Variants in CACNA1C observed in about 807,000 individuals in gnomAD.
CACNA1C encodes voltage-dependent L-type calcium channel subunit alpha-1C.
In CACNA1C, 30 loss-of-function variants were observed where a neutral mutation model predicts 229.0. The observed-to-expected ratio is 0.13, with a 90% confidence interval of 0.10 to 0.18. The LOEUF (loss-of-function observed/expected upper bound fraction) is 0.18. Ranked by LOEUF, CACNA1C falls within the 10% of genes least tolerant of loss-of-function variation. CACNA1C has a pLI of 1.00. For missense variants in CACNA1C, 1,658 were observed against 2,845.0 expected (o/e 0.58, Z 9.49); for synonymous variants, 1,114 against 1,132.5 (o/e 0.98, Z 0.33).
chr12:2,143,156 A>G (rs1407003877), intron 3 of CACNA1C, among the ~76,000 whole-genome samples: 1 of 150,902 alleles, frequency 6.6e-6, no homozygotes, highest in Non-Finnish European at 1.5e-5. Flanking sequence ...TTGTATTTTT[A>G]GTAGAGACGG....
Position 2,691,395 on chromosome 12 carries a change from G to T in CACNA1C, c.*196G>T, listed in dbSNP as rs972489434. 1.9e-6 allele frequency: 1 copy of T among 519,608 alleles called. No homozygotes were observed. Among genetic ancestry groups the T allele is most frequent in the Non-Finnish European group, 3.0e-6 (1 of 332,214 alleles). The allele number at this position is 519,608 out of a possible 1,614,324, so 32.2% of individuals were successfully genotyped here. On this transcript the variant is annotated 3_prime_UTR_variant, in exon 47 of 47. Transcript: ENST00000399655. Reference sequence around the variant, plus strand: ...AAGGCGCCCGGCTGCGTCTGCAGAGGCGGGGAGAGGAGGCGGCGAGGGTCC... The same window carrying T: ...AAGGCGCCCGGCTGCGTCTGCAGAGTCGGGGAGAGGAGGCGGCGAGGGTCC...
In CACNA1C at chr12:2,647,523, G is replaced by A. The variant is rs1427239279; in HGVS notation, c.3913-952G>A. ...TCAACAGTCATTATTTCATGCCAAC[G>A]GTCAGGGCTCGCCGCACCTATAGAC... On this transcript the variant is annotated intron_variant, in intron 30 of 46. Transcript: ENST00000399655. The surrounding 1 kb of genome is among the most constrained non-coding windows in gnomAD (Gnocchi z 4.2). 1.3e-5 allele frequency among the ~76,000 whole-genome samples: 2 copies of A among 152,172 alleles called. No homozygotes were observed. The highest frequency in any genetic ancestry group is 1.5e-5 in the Non-Finnish European group (1 of 68,034).
chr12:2,514,035 G>T (rs901380943), intron 9 of CACNA1C, among the ~76,000 whole-genome samples: 1 of 152,150 alleles, frequency 6.6e-6, no homozygotes, highest in African/African-American at 2.4e-5. Context: ...GTCCTCTCAA[G>T]CAGCCTTACT....
At position 2,432,089 on chromosome 12, in the gene CACNA1C, C is replaced by A. The variant is rs545218987; in HGVS notation, c.478-16887C>A. 2.0e-5 allele frequency among the ~76,000 whole-genome samples: 3 copies of A among 152,228 alleles called. No individual in the cohort carries two copies. In the East Asian group the frequency reaches 5.8e-4, roughly 29 times the overall value. Reference sequence around the variant, plus strand: ...TGTGCTGATCAGCAAGGAGAACAGACCCATTTTTACAAGGGAAAGGAGACA... The same window carrying A: ...TGTGCTGATCAGCAAGGAGAACAGAACCATTTTTACAAGGGAAAGGAGACA... On this transcript the variant is annotated intron_variant, in intron 3 of 46. Coordinates refer to ENST00000399655, the MANE Select transcript of CACNA1C (RefSeq NM_000719.7).
intron 7 of CACNA1C, among the ~76,000 whole-genome samples, chr12:2,499,461 C>CAT (rs2099754041): frequency 3.9e-5 from 6 of 152,142 alleles, no homozygotes; most frequent in African/African-American, 1.4e-4. Flanking sequence ...GAGTTGGCCT[C>CAT]GAGGAGAGGG....
chr12:2,157,586 C>G (rs2095617366), intron 3 of CACNA1C, among the ~76,000 whole-genome samples: 1 of 152,230 alleles, frequency 6.6e-6, no homozygotes, highest in Admixed American at 6.5e-5. Flanking sequence ...GAGGACAGCC[C>G]TAAGGGGGCC....
intron 3 of CACNA1C, among the ~76,000 whole-genome samples, chr12:2,333,400 C>G (rs1475968525): frequency 1.3e-5 from 2 of 152,198 alleles, no homozygotes. Flanking sequence ...ACGCTGCCAT[C>G]CTGACTTGTC....
At chr12:2,376,085 A>G (rs907077909) in intron 3 of CACNA1C, among the ~76,000 whole-genome samples, 4 of 152,264 alleles carry the variant, frequency 2.6e-5, no homozygotes, top group Non-Finnish European at 4.4e-5. Context: ...CAAGTGTTTG[A>G]GAAACATTGA....
rs952545390 is a variant in CACNA1C, at chr12:2,585,005, G to A, written c.2340-371G>A. ...ATCTCCAGTGTTAGGAAGGCAAGAC[G>A]GGGCCCTATGTTGTATCCTATCATT... On this transcript the variant is annotated intron_variant, in intron 16 of 46. Coordinates refer to ENST00000399655, the MANE Select transcript of CACNA1C (RefSeq NM_000719.7). The surrounding 1 kb of genome is among the most constrained non-coding windows in gnomAD (Gnocchi z 4.1). Among the ~76,000 whole-genome samples, 19 of 152,080 alleles carry A rather than the reference G, an allele frequency of 1.2e-4. No individual in the cohort carries two copies. Among genetic ancestry groups the A allele is most frequent in the African/African-American group, 4.1e-4 (17 of 41,390 alleles).
In CACNA1C at chr12:2,602,033, T is replaced by C. The variant is rs2072623498; in HGVS notation, c.2960+73T>C. 1.0e-6 allele frequency: 1 copy of C among 984,804 alleles called. No homozygotes were observed. Among genetic ancestry groups the C allele is most frequent in the African/African-American group, 1.6e-5 (1 of 62,930 alleles). The allele number at this position is 984,804 out of a possible 1,614,324, so 61.0% of individuals were successfully genotyped here. A position where few individuals can be genotyped will look rare whatever the true frequency, so the allele number is the denominator to read the frequency against. On this transcript the variant is annotated intron_variant, in intron 22 of 46. Coordinates refer to ENST00000399655, the MANE Select transcript of CACNA1C (RefSeq NM_000719.7). The surrounding 1 kb of genome is among the most constrained non-coding windows in gnomAD (Gnocchi z 4.4). ...GGTGCCAGAGAGGACAACCAGACCC[T>C]GGAGGGCCTGCCTGCAGGGCCACCG...
intron 18 of CACNA1C, among the ~76,000 whole-genome samples, chr12:2,586,455 G>A (rs1343962309): frequency 6.6e-6 from 1 of 152,152 alleles, no homozygotes; most frequent in African/African-American, 2.4e-5. Flanking sequence ...TGCTTCTCAA[G>A]AGCTTTAATG....
intron 1 of CACNA1C, among the ~76,000 whole-genome samples, chr12:1,983,633 T>C (rs2036792111): frequency 6.6e-6 from 1 of 152,118 alleles, no homozygotes; most frequent in African/African-American, 2.4e-5. Flanking sequence ...GTTTGCTTTA[T>C]GACCTACGAT....
At chr12:2,172,313 C>A (rs1360890861) in intron 3 of CACNA1C, among the ~76,000 whole-genome samples, 1 of 152,222 alleles carries the variant, frequency 6.6e-6, no homozygotes, top group Non-Finnish European at 1.5e-5. Flanking sequence ...GAGGCTCTAT[C>A]CTGCTGTAAT....
At chr12:2,229,626 G>C (rs551783553) in intron 3 of CACNA1C, among the ~76,000 whole-genome samples, 1 of 152,138 alleles carries the variant, frequency 6.6e-6, no homozygotes. Flanking sequence ...TAAATAAGAC[G>C]ATGAGGGAAG....
chr12:2,270,041 G>C (rs1039661399), intron 3 of CACNA1C: 7 of 152,174 alleles, frequency 4.6e-5, no homozygotes, highest in Non-Finnish European at 8.8e-5. Context: ...GAAGCTGGAG[G>C]GCCAGGGAGC....
intron 1 of CACNA1C, among the ~76,000 whole-genome samples, chr12:2,024,283 G>A (rs1240507886): frequency 1.3e-5 from 2 of 152,228 alleles, no homozygotes; most frequent in Non-Finnish European, 2.9e-5. Flanking sequence ...GGTTCTGACT[G>A]TCAGGCCAGC....
At chr12:2,045,753 C>A (rs774168506) in intron 1 of CACNA1C, among the ~76,000 whole-genome samples, 1 of 151,970 alleles carries the variant, frequency 6.6e-6, no homozygotes, top group Non-Finnish European at 1.5e-5. Context: ...GTTAGGGTAG[C>A]GCAGTGGGTT....
chr12:2,677,073 T>G lies in CACNA1C; in HGVS notation c.4829-21T>G. The G allele has an allele frequency of 2.5e-6, 4 of 1,604,024 alleles. No homozygotes were observed. The highest frequency in any genetic ancestry group is 3.4e-6 in the Non-Finnish European group (4 of 1,172,782). On this transcript the variant is annotated intron_variant, in intron 39 of 46. Coordinates refer to ENST00000399655, the MANE Select transcript of CACNA1C (RefSeq NM_000719.7). The surrounding 1 kb of genome is among the most constrained non-coding windows in gnomAD (Gnocchi z 7.4). Reference sequence around the variant, plus strand: ...TCCCCTGCTCCCCTCTTACCCCCTCTCCCCTCTCCATACGTCTCAGATGAT... The same window carrying G: ...TCCCCTGCTCCCCTCTTACCCCCTCGCCCCTCTCCATACGTCTCAGATGAT...
intron 3 of CACNA1C, among the ~76,000 whole-genome samples, chr12:2,155,028 A>G (rs2095485923): frequency 6.6e-6 from 1 of 152,146 alleles, no homozygotes; most frequent in Non-Finnish European, 1.5e-5. Flanking sequence ...TCGGGAGATG[A>G]AAGATTTTTT....
Sources: allele counts gnomAD v4.1 joint callset (sites outside exome capture counted in the v4.1 genomes callset), GRCh38; gene constraint gnomAD v4.1.1; non-coding constraint Gnocchi (gnomAD v3.1); transcripts MANE v1.5; gene names NCBI Gene and HGNC (gene_info 2026-07-23, HGNC 2026-07-21).